The following PTCHD4 variants were observed in gnomAD, a reference collection of about 807,000 sequenced individuals.
PTCHD4 encodes the protein patched domain-containing protein 4.
PTCHD4 carries 33 observed loss-of-function variants against 58.1 expected under a neutral mutation model. The observed-to-expected ratio is 0.57, with a 90% CI of 0.43 to 0.76. The LOEUF (loss-of-function observed/expected upper bound fraction) is 0.76. PTCHD4 is among the 30% of genes least tolerant of loss of function. The probability of loss-of-function intolerance (pLI) is 0.00; values close to 1 mark genes in which losing one functional copy is unlikely to be tolerated. For synonymous variants in PTCHD4, 478 were observed against 409.6 expected (o/e 1.17, Z -2.02); for missense variants, 1,058 against 1,027.1 (o/e 1.03, Z -0.41).
At chr6:48,040,052 T>C (rs1204615122) in intron 3 of PTCHD4, among the ~76,000 whole-genome samples, 2 of 152,100 alleles carry the variant, frequency 1.3e-5, no homozygotes, top group Admixed American at 6.6e-5. Context: ...GATTAGTGGA[T>C]GTCACTTTGA....
chr6:47,940,176 T>C (rs1478274076), intron 4 of PTCHD4, among the ~76,000 whole-genome samples: 1 of 152,124 alleles, frequency 6.6e-6, no homozygotes, highest in Non-Finnish European at 1.5e-5. Flanking sequence ...TTGGATGTCA[T>C]ACATGACCAC....
rs1033442383 is a variant in PTCHD4 at position 48,066,101 on chromosome 6, T to C, written c.417+2129A>G. The stretch of plus-strand genomic sequence containing the variant: ...CTGGGTGAGGACACTGACATCTACT[T>C]TTTTTTTTTTTTTTGAGACGGGATC... On this transcript the variant is annotated intron_variant, in intron 3 of 4. Coordinates refer to ENST00000339488, the MANE Select transcript of PTCHD4 (RefSeq NM_001384253.1). 4.5e-4 allele frequency among the ~76,000 whole-genome samples: 66 copies of C among 146,502 alleles called. No individual in the cohort carries two copies. In the South Asian group the frequency reaches 4.7e-3, roughly 10 times the overall value.
At chr6:47,999,452 A>G (rs1187946147) in intron 4 of PTCHD4, among the ~76,000 whole-genome samples, 1 of 152,190 alleles carries the variant, frequency 6.6e-6, no homozygotes, top group Non-Finnish European at 1.5e-5. Context: ...TTATTTTAGG[A>G]AGGATTTTGA....
In PTCHD4 at chr6:47,878,339, T is replaced by C; in HGVS notation, c.2496A>G (p.Glu832=). The part of the protein sequence containing the change: ...RKEREEIECI[E]IQENPDHVTT... Reference sequence around the variant, plus strand: ...TGACGTGATCCGGGTTCTCTTGAATTTCTATGCATTCAATTTCCTCTCTCT... The same window carrying C: ...TGACGTGATCCGGGTTCTCTTGAATCTCTATGCATTCAATTTCCTCTCTCT... Residue 832 remains glutamate, a synonymous_variant, in exon 5 of 5, where the codon GAA becomes GAG. Coordinates refer to ENST00000339488, the MANE Select transcript of PTCHD4 (RefSeq NM_001384253.1). The C allele has an allele frequency of 6.2e-7, 1 of 1,607,122 alleles. No homozygotes were observed. Among genetic ancestry groups the C allele is most frequent in the Non-Finnish European group, 8.5e-7 (1 of 1,176,772 alleles).
At chr6:47,895,050 G>A (rs137970428) in intron 4 of PTCHD4, among the ~76,000 whole-genome samples, 5,575 of 152,156 alleles carry the variant, frequency 0.037, 159 homozygotes, top group Non-Finnish European at 0.048. Context: ...CAGGAGAATC[G>A]CTTGAACCCA....
intron 4 of PTCHD4, among the ~76,000 whole-genome samples, chr6:47,888,616 A>T (rs938379787): frequency 5.3e-5 from 8 of 152,092 alleles, no homozygotes; most frequent in African/African-American, 1.9e-4. Context: ...CATTTTGACA[A>T]TTTATTTTGT....
intron 4 of PTCHD4, among the ~76,000 whole-genome samples, chr6:47,957,990 T>C (rs1766937269): frequency 6.6e-6 from 1 of 152,150 alleles, no homozygotes; most frequent in Admixed American, 6.5e-5. Context: ...TCCACATTAT[T>C]TTCCAAAAGC....
intron 4 of PTCHD4, among the ~76,000 whole-genome samples, chr6:47,940,753 T>G (rs1581909502): frequency 6.6e-6 from 1 of 152,172 alleles, no homozygotes; most frequent in East Asian, 1.9e-4. Context: ...AATTTAGATG[T>G]TTCCATTTTT....
intron 1 of PTCHD4, among the ~76,000 whole-genome samples, chr6:48,075,672 T>C (rs997496634): frequency 4.6e-5 from 7 of 152,236 alleles, no homozygotes; most frequent in African/African-American, 1.4e-4. Context: ...TCCCAGTGCA[T>C]ATAAAAATTA....
At position 47,879,633 on chromosome 6, in the gene PTCHD4, A is replaced by G; in HGVS notation, c.1202T>C (p.Ile401Thr). ...GQLEQNRYHS[I>T]FCCKIPSAEY... ...TGCAGAAGGGATCTTACAGCAAAAG[A>G]TGCTGTGGTAGCGGTTTTGCTCTAG... Residue 401 changes from isoleucine (I) to threonine (T), a missense_variant, in exon 5 of 5, where the codon ATC (isoleucine) becomes ACC (threonine). Ile to Thr is a moderately conservative substitution (Grantham distance 89). Coordinates refer to ENST00000339488, the MANE Select transcript of PTCHD4 (RefSeq NM_001384253.1). 3.7e-6 allele frequency: 6 copies of G among 1,613,638 alleles called. No homozygotes were observed. Among genetic ancestry groups the G allele is most frequent in the Non-Finnish European group, 4.2e-6 (5 of 1,179,726 alleles).
At chr6:48,005,580 A>C (rs1165763950) in intron 4 of PTCHD4, among the ~76,000 whole-genome samples, 2 of 152,170 alleles carry the variant, frequency 1.3e-5, no homozygotes, top group African/African-American at 4.8e-5. Flanking sequence ...CCACCTTCAT[A>C]GCAATATGCT....
At chr6:48,035,429 T>C (rs1763597474) in intron 3 of PTCHD4, among the ~76,000 whole-genome samples, 2 of 152,106 alleles carry the variant, frequency 1.3e-5, no homozygotes, top group African/African-American at 2.4e-5. Context: ...CTCTGAATTA[T>C]GATTCAGAAA....
chr6:48,090,045 T>C (rs1765334638), intron 1 of PTCHD4, among the ~76,000 whole-genome samples: 1 of 152,198 alleles, frequency 6.6e-6, no homozygotes, highest in African/African-American at 2.4e-5. Flanking sequence ...TCCTTATCAC[T>C]AGATGTAGAC....
chr6:48,043,285 T>TTC (rs1763910214), intron 3 of PTCHD4, among the ~76,000 whole-genome samples: 1 of 151,928 alleles, frequency 6.6e-6, no homozygotes, highest in Admixed American at 6.6e-5. Flanking sequence ...TCTAACCTTC[T>TTC]TCTCCAAACT....
At chr6:47,935,579 C>T (rs1375301226) in intron 4 of PTCHD4, among the ~76,000 whole-genome samples, 2 of 152,070 alleles carry the variant, frequency 1.3e-5, no homozygotes, top group African/African-American at 4.8e-5. Context: ...TCATCAGTAC[C>T]AAATACACAT....
intron 3 of PTCHD4, among the ~76,000 whole-genome samples, chr6:48,058,121 T>C (rs1370452396): frequency 6.6e-6 from 1 of 152,232 alleles, no homozygotes; most frequent in Admixed American, 6.5e-5. Flanking sequence ...TAAATCTGAA[T>C]CTCTCTAGAT....
Position 47,865,388 on chromosome 6 carries a change from T to C in PTCHD4, c.*12915A>G, listed in dbSNP as rs553663636. Among the ~76,000 whole-genome samples the C allele has an allele frequency of 1.3e-5, 2 of 151,864 alleles. No homozygotes were observed. The highest frequency in any genetic ancestry group is 4.1e-4 in the South Asian group (2 of 4,824). On this transcript the variant is annotated 3_prime_UTR_variant, in exon 5 of 5. Transcript: ENST00000339488. Reference sequence around the variant, plus strand: ...AAAGCAATTTCCTGAAAATTTGTGGTAAAGCTTTACAAATGTTATAAAAAT... The same window carrying C: ...AAAGCAATTTCCTGAAAATTTGTGGCAAAGCTTTACAAATGTTATAAAAAT...
In PTCHD4 at chr6:47,865,632, T is replaced by C. The variant is rs1383678185; in HGVS notation, c.*12671A>G. Among the ~76,000 whole-genome samples the C allele has an allele frequency of 6.6e-6, 1 of 151,860 alleles. No individual in the cohort carries two copies. The highest frequency in any genetic ancestry group is 2.4e-5 in the African/African-American group (1 of 41,396). On this transcript the variant is annotated 3_prime_UTR_variant, in exon 5 of 5. Coordinates refer to ENST00000339488, the MANE Select transcript of PTCHD4 (RefSeq NM_001384253.1). ...TGAATTGTATTTATTTCTTCCTTTT[T>C]ATATTCAGTGCCACAACTCTATTTC... is the stretch of plus-strand genomic sequence containing the variant.
Position 47,857,116 on chromosome 6 carries a change from C to CA in PTCHD4, c.*21186dup, listed in dbSNP as rs74782961. Among the ~76,000 whole-genome samples, 1,345 of 152,106 alleles carry CA rather than the reference C, an allele frequency of 8.8e-3. 10 individuals are homozygous for CA. The highest frequency in any genetic ancestry group is 0.051 in the South Asian group (246 of 4,822). On this transcript the variant is annotated 3_prime_UTR_variant, in exon 5 of 5. Coordinates refer to ENST00000339488, the MANE Select transcript of PTCHD4 (RefSeq NM_001384253.1). ...TATTATATAGTATTGTCCCACCTAACAAAAATTACTTATGATCAGTGTTGC... is the reference window on the plus strand; with the variant it reads ...TATTATATAGTATTGTCCCACCTAACAAAAAATTACTTATGATCAGTGTTGC...
Sources: allele counts gnomAD v4.1 joint callset (sites outside exome capture counted in the v4.1 genomes callset), GRCh38; gene constraint gnomAD v4.1.1; transcripts MANE v1.5; gene names NCBI Gene and HGNC (gene_info 2026-07-23, HGNC 2026-07-21).